Variants in PPP4R1 observed in about 807,000 individuals in gnomAD.
PPP4R1 encodes the protein protein phosphatase 4 regulatory subunit 1.
A neutral mutation model predicts 111.2 loss-of-function variants in PPP4R1; 42 were observed. The ratio of observed to expected loss-of-function variants is 0.38; its 90% CI spans 0.29 to 0.49. The LOEUF (loss-of-function observed/expected upper bound fraction) is 0.49, where lower values mean the gene tolerates loss of function less well. Among genes scored for constraint, PPP4R1 ranks in the 20% least tolerant of loss-of-function variants. The pLI is 0.97. For missense variants in PPP4R1, 1,012 were observed against 1,161.6 expected (o/e 0.87, Z 1.87); for synonymous variants, 409 against 405.5 (o/e 1.01, Z -0.10).
intron 15 of PPP4R1, among the ~76,000 whole-genome samples, chr18:9,553,901 C>T (rs540745922): frequency 1.4e-4 from 21 of 152,262 alleles, no homozygotes; most frequent in Admixed American, 5.2e-4. Flanking sequence ...AGTTTATAAA[C>T]GGAAGCAAAC....
intron 2 of PPP4R1, among the ~76,000 whole-genome samples, chr18:9,611,851 A>G (rs1052423911): frequency 6.6e-6 from 1 of 151,864 alleles, no homozygotes; most frequent in African/African-American, 2.4e-5. Context: ...GTCTCTACTA[A>G]AAGTACAAAA....
intron 19 of PPP4R1, 95 bp downstream of exon 19, chr18:9,549,101 GC>G: frequency 1.4e-6 from 2 of 1,424,668 alleles, no homozygotes; most frequent in Non-Finnish European, 2.0e-6. Flanking sequence ...TTTTCTCTGA[GC>G]AGACAATACT....
At chr18:9,579,201 T>A (rs2066986478) in intron 9 of PPP4R1, among the ~76,000 whole-genome samples, 1 of 152,182 alleles carries the variant, frequency 6.6e-6, no homozygotes, top group Admixed American at 6.5e-5. Context: ...TTTCCAACAC[T>A]ATAAAAATAT....
Position 9,570,345 on chromosome 18 carries a change from G to T in PPP4R1, c.1385C>A (p.Pro462His). The T allele has an allele frequency of 6.2e-7, 1 of 1,611,558 alleles. No individual in the cohort carries two copies. Among genetic ancestry groups the T allele is most frequent in the Non-Finnish European group, 8.5e-7 (1 of 1,178,886 alleles). The part of the protein sequence containing the change: ...LYNSFHFWRT[P>H]LPEIDLDIEL... ...TATGTCTAGATCTATTTCAGGAAGA[G>T]GAGTCCTCCAGAAATGGAAGGAGTT... Residue 462 changes from proline to histidine, a missense_variant, in exon 11 of 20, where the codon CCT becomes CAT. Pro to His is a moderately conservative substitution (Grantham distance 77, BLOSUM62 -2). This residue lies in a region of PPP4R1 where 707 missense variants were observed against 742.1 expected (regional missense o/e 0.95). Coordinates refer to ENST00000400556, the MANE Select transcript of PPP4R1 (RefSeq NM_001042388.3).
At chr18:9,595,982 A>T (rs2067284011) in intron 2 of PPP4R1, among the ~76,000 whole-genome samples, 1 of 152,248 alleles carries the variant, frequency 6.6e-6, no homozygotes, top group Non-Finnish European at 1.5e-5. Context: ...TTTCCATTGC[A>T]TGAAAGCCGA....
chr18:9,560,714 T>C (rs950844367), intron 13 of PPP4R1, among the ~76,000 whole-genome samples: 2 of 152,110 alleles, frequency 1.3e-5, no homozygotes, highest in African/African-American at 4.8e-5. Context: ...AAAAATTGGC[T>C]AGATGTGGCG....
Position 9,583,120 on chromosome 18 carries a change from A to G in PPP4R1, c.915T>C (p.Arg305=). The change falls in exon 9 of 20, where the codon CGT becomes CGC. Residue 305 remains arginine (R), a synonymous_variant. Coordinates refer to ENST00000400556, the MANE Select transcript of PPP4R1 (RefSeq NM_001042388.3). ...LFINLISDPS[R]WVRQAAFQSL... ...AAAGTGATAATCAAAACCCTACCCA[A>G]CGTGAAGGATCACTGATCAAATTAA... The G allele has an allele frequency of 6.2e-7, 1 of 1,606,626 alleles. No homozygotes were observed.
intron 6 of PPP4R1, 105 bp from the exon 7 acceptor site, chr18:9,584,933 T>G: frequency 1.1e-6 from 1 of 916,804 alleles, no homozygotes; most frequent in Non-Finnish European, 1.7e-6. Flanking sequence ...AAATATGATA[T>G]GGCATCATTA....
chr18:9,616,651 G>A (rs113642765), upstream of PPP4R1, among the ~76,000 whole-genome samples: 4,264 of 152,072 alleles, frequency 0.028, 149 homozygotes, highest in African/African-American at 0.084. Context: ...TGCTTCAGCC[G>A]CTGGATGCAC....
intron 19 of PPP4R1, among the ~76,000 whole-genome samples, chr18:9,548,821 G>C (rs955669531): frequency 1.3e-5 from 2 of 152,220 alleles, no homozygotes; most frequent in African/African-American, 4.8e-5. Context: ...GGGAGGCTGA[G>C]GCAGAAGAAT....
At chr18:9,595,559 T>C (rs539431713) in intron 2 of PPP4R1, among the ~76,000 whole-genome samples, 43 of 152,294 alleles carry the variant, frequency 2.8e-4, no homozygotes, top group Admixed American at 1.9e-3. Context: ...CTTCACTTAA[T>C]AGAAGAAAGC....
rs757283655 is a variant in PPP4R1, at chr18:9,614,236, G to A, written c.42C>T (p.Asp14=). 22 of 1,365,966 alleles carry A rather than the reference G, an allele frequency of 1.6e-5. No individual in the cohort carries two copies. Among genetic ancestry groups the A allele is most frequent in the Non-Finnish European group, 1.9e-5 (20 of 1,046,688 alleles). 84.6% of individuals were successfully genotyped at this position (1,365,966 alleles called of 1,614,324 possible). The change falls in exon 2 of 20, where the codon GAC becomes GAT. Residue 14 remains aspartate (D), a synonymous_variant. Transcript: ENST00000400556. The surrounding 1 kb of genome is among the most constrained non-coding windows in gnomAD (Gnocchi z 4.1). ...GGCCGGGCCACTCACATCCGTCTGC[G>A]TCCTCCTGCAGGTCCTCCTGAAGCA... is the stretch of plus-strand genomic sequence containing the variant. ...LSLLQEDLQE[D]ADGFGVDDYS...
intron 19 of PPP4R1, 26 bp from the exon 20 acceptor site, chr18:9,547,978 G>C (rs774805383): frequency 6.2e-7 from 1 of 1,609,222 alleles, no homozygotes; most frequent in Admixed American, 1.7e-5. Flanking sequence ...GCATAGGACA[G>C]ATGAAACCAG....
At chr18:9,552,635 T>C (rs2066507462) in intron 16 of PPP4R1, among the ~76,000 whole-genome samples, 1 of 152,190 alleles carries the variant, frequency 6.6e-6, no homozygotes, top group Non-Finnish European at 1.5e-5. Flanking sequence ...AAACACAGAA[T>C]TACCATATGG....
At chr18:9,591,031 A>AG (rs1482435532) in intron 4 of PPP4R1, among the ~76,000 whole-genome samples, 2 of 152,088 alleles carry the variant, frequency 1.3e-5, no homozygotes, top group African/African-American at 4.8e-5. Context: ...AATTTTTTAA[A>AG]GGGGGAAGAG....
chr18:9,593,975 C>T (rs1477566636), intron 3 of PPP4R1, 101 bp from the exon 4 acceptor site: 37 of 893,706 alleles, frequency 4.1e-5, no homozygotes, highest in South Asian at 7.4e-5. Context: ...TTGCCCAGGC[C>T]GGAGTGTAAT....
At chr18:9,549,139 G>A in intron 19 of PPP4R1, 58 bp downstream of exon 19, 2 of 1,567,388 alleles carry the variant, frequency 1.3e-6, no homozygotes, top group South Asian at 1.1e-5. Flanking sequence ...CTGATCCAGT[G>A]CAGTCCACAG....
In PPP4R1 at chr18:9,614,262, GC is replaced by G; in HGVS notation, c.15del (p.Leu6CysfsTer24). ...TCCTCCTGCAGGTCCTCCTGAAGCA[GC>G]GAGAGGTCTGCGCCGAGGGGAGAGA... Reference protein sequence around the residue: MADLSLLQEDLQEDA... With the variant: MADLXLLQEDLQEDA... On this transcript the variant is annotated frameshift_variant, in exon 2 of 20. Transcript: ENST00000400556. LOFTEE classifies it high-confidence loss of function. The surrounding 1 kb of genome is among the most constrained non-coding windows in gnomAD (Gnocchi z 4.1). 7.4e-7 allele frequency: 1 copy of G among 1,348,136 alleles called. No homozygotes were observed. Among genetic ancestry groups the G allele is most frequent in the Non-Finnish European group, 9.6e-7 (1 of 1,036,672 alleles). The allele number at this position is 1,348,136 out of a possible 1,614,324, so 83.5% of individuals were successfully genotyped here. A position where few individuals can be genotyped will look rare whatever the true frequency, so the allele number is the denominator to read the frequency against.
At chr18:9,572,186 A>C (rs1157751770) in intron 10 of PPP4R1, among the ~76,000 whole-genome samples, 3 of 152,206 alleles carry the variant, frequency 2.0e-5, no homozygotes, top group African/African-American at 7.2e-5. Context: ...ATCTATGAGA[A>C]AGAGGTAAAG....
Sources: gnomAD v4.1 joint callset for allele counts (sites outside exome capture counted in the v4.1 genomes callset) on GRCh38, gnomAD v4.1.1 for gene constraint, gnomAD v4.1.1 regional missense constraint, Gnocchi (gnomAD v3.1) non-coding constraint, MANE v1.5 for transcripts, NCBI Gene and HGNC (gene_info 2026-07-23, HGNC 2026-07-21) for gene names.